The following SEMA4F variants were observed in gnomAD, a reference collection of about 807,000 sequenced individuals.
SEMA4F encodes the protein semaphorin-4F.
SEMA4F carries 51 observed loss-of-function variants against 78.4 expected under a neutral mutation model. That is an observed-to-expected ratio of 0.65 (90% CI 0.52 to 0.82). SEMA4F has a LOEUF of 0.82. Ranked by LOEUF, SEMA4F falls within the 40% of genes least tolerant of loss-of-function variation. The pLI, the probability that SEMA4F is intolerant of heterozygous loss-of-function variation, is 0.00. For missense variants in SEMA4F, 938 were observed against 1,014.4 expected (o/e 0.92, Z 1.02); for synonymous variants, 418 against 408.7 (o/e 1.02, Z -0.27).
rs768694445 is a variant in SEMA4F, at chr2:74,654,478, C to G, written c.102C>G (p.Gly34=). 3.2e-6 allele frequency: 5 copies of G among 1,573,998 alleles called. No individual in the cohort carries two copies. The East Asian group carries it at 1.2e-4, about 39-fold the overall frequency. ...CGGTGCTGAGCGGCCCGGTATCCGG[C>G]CGCGTCCCCCGCTCGGTGCCCAGAA... is the stretch of plus-strand genomic sequence containing the variant. ...LLAVLSGPVS[G]RVPRSVPRTS... Residue 34 remains glycine, a synonymous_variant, in exon 1 of 14, where the codon GGC becomes GGG. Transcript: ENST00000357877.
rs1684291613 is a variant in SEMA4F at position 74,658,907 on chromosome 2, C to T, written c.456+956C>T. 1.3e-5 allele frequency among the ~76,000 whole-genome samples: 2 copies of T among 152,204 alleles called. No individual in the cohort carries two copies. The highest frequency in any genetic ancestry group is 4.1e-4 in the South Asian group (2 of 4,826). On this transcript the variant is annotated intron_variant, in intron 4 of 13. Transcript: ENST00000357877. The surrounding 1 kb of genome is among the most constrained non-coding windows in gnomAD (Gnocchi z 4.3). The stretch of plus-strand genomic sequence containing the variant: ...CTTCTGCAGTCCTCAGTAATCCCTG[C>T]CACCTGGATCAAGTCAGTGTGTATC...
At position 74,654,384 on chromosome 2, in the gene SEMA4F, C is replaced by A. The variant is rs1484274772; in HGVS notation, c.8C>A (p.Ala3Asp). The A allele has an allele frequency of 1.3e-6, 2 of 1,510,450 alleles. No homozygotes were observed. The highest frequency in any genetic ancestry group is 8.8e-7 in the Non-Finnish European group (1 of 1,137,392). The allele number at this position is 1,510,450 out of a possible 1,614,324, so 93.6% of individuals were successfully genotyped here. Residue 3 changes from alanine (A) to aspartate (D), a missense_variant, in exon 1 of 14, where the codon GCC becomes GAC. Coordinates refer to ENST00000357877, the MANE Select transcript of SEMA4F (RefSeq NM_004263.5). MP[A>D]SAARPRPGPG... ...GGCCAGGCGGAGCCAAAGATGCCGG[C>A]CTCTGCTGCGCGGCCCCGCCCGGGT...
intron 4 of SEMA4F, among the ~76,000 whole-genome samples, chr2:74,660,830 A>G (rs145575248): frequency 6.6e-6 from 1 of 152,362 alleles, no homozygotes; most frequent in East Asian, 1.9e-4. Flanking sequence ...TCTGTGAGGA[A>G]GTCCAGCAGT....
the SEMA4F span, among the ~76,000 whole-genome samples, chr2:74,700,570 G>C: frequency 6.6e-6 from 1 of 152,150 alleles, no homozygotes; most frequent in Non-Finnish European, 1.5e-5. Context: ...GAGCCTGGGG[G>C]TGTGGGAGGG....
intron 5 of SEMA4F, among the ~76,000 whole-genome samples, chr2:74,668,084 C>T (rs1431910371): frequency 6.6e-6 from 1 of 152,198 alleles, no homozygotes; most frequent in Non-Finnish European, 1.5e-5. Context: ...TAGTGCCATA[C>T]TCACTCAGGT....
intron 12 of SEMA4F, among the ~76,000 whole-genome samples, chr2:74,678,612 C>T (rs363610): frequency 2.6e-5 from 4 of 152,122 alleles, no homozygotes; most frequent in African/African-American, 4.8e-5. Flanking sequence ...CCAGCCTCTG[C>T]GAGTGGTGCC....
At chr2:74,705,474 A>G in the SEMA4F span, among the ~76,000 whole-genome samples, 4,224 of 152,316 alleles carry the variant, frequency 0.028, 169 homozygotes, top group African/African-American at 0.086. Flanking sequence ...ATATTGAGAA[A>G]TCTATTTATG....
intron 1 of SEMA4F, among the ~76,000 whole-genome samples, chr2:74,654,782 G>C (rs1684032751): frequency 6.6e-6 from 1 of 152,162 alleles, no homozygotes; most frequent in South Asian, 2.1e-4. Flanking sequence ...CTGCACCAGC[G>C]GGCCCTATTC....
chr2:74,660,506 G>A (rs72909226), intron 4 of SEMA4F, among the ~76,000 whole-genome samples: 343 of 152,362 alleles, frequency 2.3e-3, no homozygotes, highest in African/African-American at 8.0e-3. Context: ...GAGCCTTCCT[G>A]TCCAGCTCCA....
At chr2:74,684,523 A>C (rs1387722960), downstream of SEMA4F, among the ~76,000 whole-genome samples, 1 of 152,162 alleles carries the variant, frequency 6.6e-6, no homozygotes, top group Non-Finnish European at 1.5e-5. Flanking sequence ...AACCATAGGT[A>C]GGCACCTAAA....
rs776046741 is a variant in SEMA4F, at chr2:74,674,622, G to T, written c.947G>T (p.Arg316Leu). 1 of 1,614,060 alleles carries T rather than the reference G, an allele frequency of 6.2e-7. No homozygotes were observed. The highest frequency in any genetic ancestry group is 1.3e-5 in the African/African-American group (1 of 74,988). ...SSVLQDVAVL[R>L]PELGAGTPIF... ...GTCCTGCAGGATGTTGCTGTGCTTC[G>T]ACCTGAGCTTGGGGCAGGGACTCCC... Residue 316 changes from arginine to leucine, a missense_variant, in exon 8 of 14, where the codon CGA (arginine) becomes CTA (leucine). Physicochemically the swap from Arg to Leu is moderately radical, Grantham distance 102 (BLOSUM62 -2). Coordinates refer to ENST00000357877, the MANE Select transcript of SEMA4F (RefSeq NM_004263.5).
chr2:74,663,670 T>C (rs1341741336), intron 5 of SEMA4F, among the ~76,000 whole-genome samples: 2 of 152,092 alleles, frequency 1.3e-5, no homozygotes, highest in Non-Finnish European at 2.9e-5. Flanking sequence ...AGGTGCTTTT[T>C]TAAACAGATC....
the SEMA4F span, among the ~76,000 whole-genome samples, chr2:74,697,887 G>A: frequency 6.6e-6 from 1 of 152,076 alleles, no homozygotes; most frequent in Non-Finnish European, 1.5e-5. Flanking sequence ...TTCTCTTCCT[G>A]GCCCTGGCTC....
At chr2:74,687,769 C>T (rs1685851227), downstream of SEMA4F, among the ~76,000 whole-genome samples, 1 of 152,152 alleles carries the variant, frequency 6.6e-6, no homozygotes, top group African/African-American at 2.4e-5. Flanking sequence ...TGTCCTTCTC[C>T]TAGACCTCAA....
In SEMA4F at chr2:74,673,574, A is replaced by G. The variant is rs1685100955; in HGVS notation, c.668A>G (p.Asn223Ser). ...ACAGATACCTTGCCTTCCTGGCTGA[A>G]CGGTGGGGAGAGGGAGAGGGGTCCT... is the stretch of plus-strand genomic sequence containing the variant. ...IRTDTLPSWL[N>S]APAFVAAVAL... The change falls in exon 6 of 14, where the codon AAC becomes AGC. Residue 223 changes from asparagine to serine, a missense_variant and splice_region_variant. Asn to Ser is a conservative substitution (Grantham distance 46). Transcript: ENST00000357877. The G allele has an allele frequency of 6.2e-7, 1 of 1,613,946 alleles. No individual in the cohort carries two copies. Among genetic ancestry groups the G allele is most frequent in the African/African-American group, 1.3e-5 (1 of 74,884 alleles).
the SEMA4F span, among the ~76,000 whole-genome samples, chr2:74,693,972 C>T: frequency 9.7e-4 from 147 of 152,190 alleles, 3 homozygotes; most frequent in Admixed American, 9.1e-3. Flanking sequence ...TTCTCAGAAA[C>T]GGGACTGCTG....
At chr2:74,709,034 C>A in the SEMA4F span, among the ~76,000 whole-genome samples, 1 of 152,122 alleles carries the variant, frequency 6.6e-6, no homozygotes, top group African/African-American at 2.4e-5. Flanking sequence ...TGTGGTGGTG[C>A]GTGCCTATAG....
Position 74,656,659 on chromosome 2 carries a change from C to T in SEMA4F, c.271C>T (p.Pro91Ser), listed in dbSNP as rs771682782. Residue 91 changes from proline (P) to serine (S), a missense_variant, in exon 2 of 14, where the codon CCC becomes TCC. Transcript: ENST00000357877. The part of the protein sequence containing the change: ...ARDTIFALSL[P>S]FSGERPRRID... Reference sequence around the variant, plus strand: ...GGACACCATCTTCGCTTTATCCCTGCCCTTCTCAGGGGAGAGACCCCGCAG... The same window carrying T: ...GGACACCATCTTCGCTTTATCCCTGTCCTTCTCAGGGGAGAGACCCCGCAG... The T allele has an allele frequency of 1.9e-6, 3 of 1,614,034 alleles. No individual in the cohort carries two copies. The African/African-American group carries it at 4.0e-5, about 22-fold the overall frequency.
intron 2 of SEMA4F, 101 bp from the exon 3 acceptor site, chr2:74,657,464 C>A (rs1201284689): frequency 1.8e-6 from 2 of 1,135,264 alleles, no homozygotes; most frequent in Non-Finnish European, 2.6e-6. Flanking sequence ...TTTTGAAGTT[C>A]CCAAATTGAT....
Sources: allele counts gnomAD v4.1 joint callset (sites outside exome capture counted in the v4.1 genomes callset), GRCh38; gene constraint gnomAD v4.1.1; non-coding constraint Gnocchi (gnomAD v3.1); transcripts MANE v1.5; gene names NCBI Gene and HGNC (gene_info 2026-07-23, HGNC 2026-07-21).